INPP4B: variants seen among roughly 807,000 people sequenced by gnomAD.
The protein encoded by INPP4B is inositol polyphosphate 4-phosphatase type II.
Under a neutral mutation model 122.5 loss-of-function variants are expected in INPP4B, and 55 were observed. The ratio of observed to expected loss-of-function variants is 0.45; its 90% CI spans 0.36 to 0.56. The LOEUF (loss-of-function observed/expected upper bound fraction) is 0.56. INPP4B is among the 20% of genes least tolerant of loss of function. INPP4B has a pLI of 0.00. For missense variants in INPP4B, 1,000 were observed against 1,097.7 expected, an observed-to-expected ratio of 0.91 and a Z score of 1.26; for synonymous variants, 403 against 388.7, an observed-to-expected ratio of 1.04 and a Z score of -0.43.
chr4:142,692,472 G>A (rs1037298281), intron 2 of INPP4B, among the ~76,000 whole-genome samples: 14 of 152,144 alleles, frequency 9.2e-5, no homozygotes, highest in Non-Finnish European at 1.6e-4. Flanking sequence ...AGGCCTAGAC[G>A]GGAGGATCGC....
intron 1 of INPP4B, among the ~76,000 whole-genome samples, chr4:142,806,786 G>GAAA (rs1554013556): frequency 5.3e-5 from 4 of 75,948 alleles, no homozygotes; most frequent in African/African-American, 2.1e-4. Context: ...AAAGAAAGAA[G>GAAA]GAAAGAAAGA....
At chr4:142,636,343 T>A (rs1749157135) in intron 2 of INPP4B, among the ~76,000 whole-genome samples, 1 of 152,036 alleles carries the variant, frequency 6.6e-6, no homozygotes, top group Non-Finnish European at 1.5e-5. Context: ...GTCAAATACC[T>A]AGAAATAAAC....
chr4:142,378,695 G>T (rs1307601125), intron 7 of INPP4B, among the ~76,000 whole-genome samples: 1 of 152,102 alleles, frequency 6.6e-6, no homozygotes, highest in Non-Finnish European at 1.5e-5. Context: ...AGCTACAAAT[G>T]AACTTGAGCC....
intron 2 of INPP4B, among the ~76,000 whole-genome samples, chr4:142,507,253 T>C (rs1013527879): frequency 6.6e-6 from 1 of 152,162 alleles, no homozygotes; most frequent in African/African-American, 2.4e-5. Flanking sequence ...TTCCAGAATT[T>C]AGCACAGTAT....
chr4:142,271,362 T>C lies in INPP4B; in HGVS notation c.504-588A>G, dbSNP rs115289838. On this transcript the variant is annotated intron_variant, in intron 9 of 25. Coordinates refer to ENST00000262992, the MANE Select transcript of INPP4B (RefSeq NM_001101669.3). Reference sequence around the variant, plus strand: ...CAGAGGTGCCCTCAAGGAAAGAACATTGTGTCATAGATCAATACCCCATTT... The same window carrying C: ...CAGAGGTGCCCTCAAGGAAAGAACACTGTGTCATAGATCAATACCCCATTT... 3.0e-3 allele frequency among the ~76,000 whole-genome samples: 454 copies of C among 152,282 alleles called. 1 individual carries two copies. The highest frequency in any genetic ancestry group is 0.01 in the African/African-American group (434 of 41,552).
intron 7 of INPP4B, among the ~76,000 whole-genome samples, chr4:142,327,732 C>T (rs1772949179): frequency 6.6e-6 from 1 of 152,208 alleles, no homozygotes; most frequent in South Asian, 2.1e-4. Flanking sequence ...ACTCAACATT[C>T]TCTTTCACCG....
chr4:142,275,309 G>T (rs887810605), intron 9 of INPP4B, among the ~76,000 whole-genome samples: 1 of 151,752 alleles, frequency 6.6e-6, no homozygotes, highest in African/African-American at 2.4e-5. Context: ...ATAACTTCTC[G>T]ATTTTGGAAA....
chr4:142,732,753 A>G (rs926204848), intron 1 of INPP4B, among the ~76,000 whole-genome samples: 8 of 152,146 alleles, frequency 5.3e-5, no homozygotes, highest in African/African-American at 1.7e-4. Flanking sequence ...AAGGATGTCA[A>G]TTTTCAAATT....
chr4:142,102,939 A>G (rs1477020099), intron 23 of INPP4B, among the ~76,000 whole-genome samples: 1 of 151,924 alleles, frequency 6.6e-6, no homozygotes, highest in African/African-American at 2.4e-5. Context: ...AAACTCTCTC[A>G]CTTGATTCTA....
chr4:142,406,022 T>C (rs1174364163), intron 5 of INPP4B, among the ~76,000 whole-genome samples: 1 of 152,178 alleles, frequency 6.6e-6, no homozygotes, highest in Non-Finnish European at 1.5e-5. Context: ...CCATATTTAC[T>C]TGAATATTTT....
rs200089107 is a variant in INPP4B at position 142,701,337 on chromosome 4, G to GTATA, written c.-191+24501_-191+24502insTATA. Among the ~76,000 whole-genome samples the GTATA allele has an allele frequency of 8.8e-3, 1,332 of 152,112 alleles. 22 individuals carry two copies. The highest frequency in any genetic ancestry group is 0.031 in the African/African-American group (1,267 of 41,494). ...CCCCAAAACAGAGGGTGGAAATGAT[G>GTATA]TATTATAGCCAGGAGAATGAGGAAG... On this transcript the variant is annotated intron_variant, in intron 2 of 25. Transcript: ENST00000262992.
At chr4:142,400,586 T>C (rs1185767736) in intron 7 of INPP4B, among the ~76,000 whole-genome samples, 1 of 152,220 alleles carries the variant, frequency 6.6e-6, no homozygotes, top group Non-Finnish European at 1.5e-5. Context: ...TAATCTACTG[T>C]GTTTCTATGT....
At chr4:142,257,855 T>G (rs1443554566) in intron 11 of INPP4B, among the ~76,000 whole-genome samples, 1 of 152,110 alleles carries the variant, frequency 6.6e-6, no homozygotes, top group Non-Finnish European at 1.5e-5. Context: ...AAAACTACTT[T>G]CAAGTTCATA....
chr4:142,535,120 G>A (rs985836746), intron 2 of INPP4B, among the ~76,000 whole-genome samples: 1 of 152,104 alleles, frequency 6.6e-6, no homozygotes, highest in African/African-American at 2.4e-5. Flanking sequence ...TGTATAATTT[G>A]TTCAGCAATG....
At chr4:142,223,506 TA>T (rs2149734339) in intron 12 of INPP4B, among the ~76,000 whole-genome samples, 1 of 152,304 alleles carries the variant, frequency 6.6e-6, no homozygotes, top group South Asian at 2.1e-4. Context: ...AATGTGCTTC[TA>T]AATGAGTTTT....
At position 142,386,814 on chromosome 4, in the gene INPP4B, C is replaced by A. The variant is rs145503483; in HGVS notation, c.372+16124G>T. Reference sequence around the variant, plus strand: ...TTAAACTCCTTTAAATTTAATTCGGCTTAAGTTTTTCTTTTAATAGATTGT... The same window carrying A: ...TTAAACTCCTTTAAATTTAATTCGGATTAAGTTTTTCTTTTAATAGATTGT... On this transcript the variant is annotated intron_variant, in intron 7 of 25. Transcript: ENST00000262992. 5.1e-3 allele frequency among the ~76,000 whole-genome samples: 776 copies of A among 152,220 alleles called. 5 individuals carry two copies. The highest frequency in any genetic ancestry group is 0.018 in the African/African-American group (737 of 41,534).
intron 1 of INPP4B, among the ~76,000 whole-genome samples, chr4:142,841,624 T>C (rs981093758): frequency 1.3e-5 from 2 of 151,930 alleles, no homozygotes; most frequent in African/African-American, 4.8e-5. Flanking sequence ...TAAATCATTG[T>C]TGCTTAACAT....
chr4:142,098,659 G>A (rs336306), intron 23 of INPP4B, among the ~76,000 whole-genome samples: 1 of 151,956 alleles, frequency 6.6e-6, no homozygotes. Context: ...GGCGACTCAA[G>A]GGTGGCTATT....
chr4:142,753,948 T>C (rs1263239856), intron 1 of INPP4B, among the ~76,000 whole-genome samples: 1 of 152,050 alleles, frequency 6.6e-6, no homozygotes, highest in Non-Finnish European at 1.5e-5. Flanking sequence ...TTTCATTTCC[T>C]TCCTTTTTTC....
Sources: allele counts gnomAD v4.1 joint callset (sites outside exome capture counted in the v4.1 genomes callset), GRCh38; gene constraint gnomAD v4.1.1; transcripts MANE v1.5; gene names NCBI Gene and HGNC (gene_info 2026-07-23, HGNC 2026-07-21).